Variants in TANC2 observed in about 807,000 individuals in gnomAD.
TANC2 encodes the protein tetratricopeptide repeat, ankyrin repeat and coiled-coil containing 2, also known as protein TANC2.
Under a neutral mutation model 210.5 loss-of-function variants are expected in TANC2, and 26 were observed. The observed-to-expected ratio is 0.12, with a 90% CI of 0.09 to 0.17. The LOEUF is 0.17. Ranked by LOEUF, TANC2 falls within the 10% of genes least tolerant of loss-of-function variation. The pLI, the probability that TANC2 is intolerant of heterozygous loss-of-function variation, is 1.00. For synonymous variants in TANC2, 931 were observed against 967.1 expected, an observed-to-expected ratio of 0.96 and a Z score of 0.69; for missense variants, 2,129 against 2,608.9, an observed-to-expected ratio of 0.82 and a Z score of 4.01.
rs192441963 is a variant in TANC2 at position 63,001,378 on chromosome 17, C to G, written c.-23-8159C>G. On this transcript the variant is annotated intron_variant, in intron 1 of 27. Transcript: ENST00000689528. ...CTCAATGAAACTTACTTTTATTATG[C>G]CCCTTCTTTACTAAGTCAGTAAATC... Among the ~76,000 whole-genome samples, 108 of 152,168 alleles carry G rather than the reference C, an allele frequency of 7.1e-4. 1 individual carries two copies. The highest frequency in any genetic ancestry group is 2.6e-3 in the African/African-American group (106 of 41,510).
chr17:63,177,704 C>T (rs1324922178), intron 5 of TANC2, among the ~76,000 whole-genome samples: 1 of 152,108 alleles, frequency 6.6e-6, no homozygotes, highest in Non-Finnish European at 1.5e-5. Flanking sequence ...TCAAGTTGAG[C>T]TCATCATCTG....
At chr17:63,403,834 C>T (rs993832932) in intron 19 of TANC2, among the ~76,000 whole-genome samples, 29 of 152,182 alleles carry the variant, frequency 1.9e-4, no homozygotes, top group Admixed American at 1.5e-3. Flanking sequence ...AAGGTTTATA[C>T]TTGCGGAAAT....
intron 17 of TANC2, among the ~76,000 whole-genome samples, chr17:63,395,459 C>T (rs17760841): frequency 0.16 from 25,050 of 152,050 alleles, 2,658 homozygotes; most frequent in Non-Finnish European, 0.24. Flanking sequence ...CTCAGGAAGA[C>T]GAAGCTCAAA....
chr17:63,113,976 A>T (rs559178127), intron 4 of TANC2, among the ~76,000 whole-genome samples: 1 of 152,338 alleles, frequency 6.6e-6, no homozygotes, highest in Admixed American at 6.5e-5. Context: ...AACGATTTTT[A>T]GAAAAAATTA....
At chr17:63,064,334 C>T (rs2036115979) in intron 2 of TANC2, among the ~76,000 whole-genome samples, 1 of 152,086 alleles carries the variant, frequency 6.6e-6, no homozygotes, top group African/African-American at 2.4e-5. Context: ...CTTGGTGTGC[C>T]TGTGGTCCCA....
chr17:63,020,188 A>T (rs181545793), intron 2 of TANC2, among the ~76,000 whole-genome samples: 67 of 152,364 alleles, frequency 4.4e-4, no homozygotes, highest in South Asian at 2.9e-3. Context: ...TTGGCCTCCC[A>T]AAGTGCTTGG....
intron 17 of TANC2, chr17:63,393,545 C>G (rs1324968168): frequency 6.6e-6 from 1 of 152,180 alleles, no homozygotes; most frequent in Non-Finnish European, 1.5e-5. Flanking sequence ...AGCTTAATCC[C>G]TACTCCAGAA....
chr17:63,281,626 G>T (rs1360145215), intron 9 of TANC2, among the ~76,000 whole-genome samples: 4 of 152,110 alleles, frequency 2.6e-5, no homozygotes, highest in Non-Finnish European at 5.9e-5. Flanking sequence ...AAATGTATCT[G>T]TTAAACCCAG....
chr17:63,380,000 A>T (rs998482161), intron 15 of TANC2, among the ~76,000 whole-genome samples, 174 bp downstream of exon 15: 4 of 152,174 alleles, frequency 2.6e-5, no homozygotes, highest in Admixed American at 2.6e-4. Flanking sequence ...ACTACATTGT[A>T]CATCTCCCAG....
Position 62,966,500 on chromosome 17 carries a change from C to CCGCCG in TANC2, c.-272_-268dup, listed in dbSNP as rs2031340316. 6.7e-6 allele frequency among the ~76,000 whole-genome samples: 1 copy of CCGCCG among 149,208 alleles called. No homozygotes were observed. Among genetic ancestry groups the CCGCCG allele is most frequent in the Admixed American group, 6.7e-5 (1 of 15,032 alleles). On this transcript the variant is annotated 5_prime_UTR_variant, in exon 1 of 28. Transcript: ENST00000689528. This position sits in a 1 kb window ranked among gnomAD's most constrained non-coding sequence, Gnocchi z 5.1. ...GCTAGGCGGAGCGAGGCGCCCGCCG[C>CCGCCG]CGCCGAGCCGAGCCGAGGGGCGAGA...
intron 9 of TANC2, among the ~76,000 whole-genome samples, chr17:63,288,119 G>A (rs1036033554): frequency 6.6e-6 from 1 of 152,134 alleles, no homozygotes; most frequent in Non-Finnish European, 1.5e-5. Context: ...ACATGCCAGT[G>A]AGTACTCCAT....
At chr17:63,339,600 T>G (rs1157429012) in intron 11 of TANC2, among the ~76,000 whole-genome samples, 1 of 152,238 alleles carries the variant, frequency 6.6e-6, no homozygotes, top group Non-Finnish European at 1.5e-5. Flanking sequence ...AAATCTGAAT[T>G]ACTTTATTTT....
At chr17:63,135,341 C>G (rs1040392107) in intron 4 of TANC2, among the ~76,000 whole-genome samples, 1 of 152,128 alleles carries the variant, frequency 6.6e-6, no homozygotes, top group Non-Finnish European at 1.5e-5. Flanking sequence ...TATGTAAAAT[C>G]TATTTTGAGA....
Position 63,412,689 on chromosome 17 carries a change from C to T in TANC2, c.3908C>T (p.Thr1303Met), listed in dbSNP as rs1303055266. ...TCTCCTTTCTTTGAAGGTTGTCAGA[C>T]GTTACCGAGTCGCCCACGAGGTATA... The change falls in exon 24 of 28, where the codon ACG (threonine) becomes ATG (methionine). Residue 1303 changes from threonine to methionine, a missense_variant. By Grantham distance (81) the Thr-to-Met change is moderately conservative. Transcript: ENST00000689528. This position sits in a 1 kb window ranked among gnomAD's most constrained non-coding sequence, Gnocchi z 4.2. The T allele has an allele frequency of 2.6e-6, 4 of 1,535,046 alleles. No homozygotes were observed. The highest frequency in any genetic ancestry group is 1.4e-5 in the African/African-American group (1 of 72,680).
At chr17:63,025,789 C>G (rs2034523313) in intron 2 of TANC2, among the ~76,000 whole-genome samples, 1 of 138,414 alleles carries the variant, frequency 7.2e-6, no homozygotes, top group Non-Finnish European at 1.5e-5. Context: ...GAGTGAGACC[C>G]TATCTCAAAA....
chr17:63,270,088 G>A (rs972660796), intron 9 of TANC2, among the ~76,000 whole-genome samples: 2 of 152,092 alleles, frequency 1.3e-5, no homozygotes, highest in Admixed American at 6.6e-5. Context: ...ATGCCATCCA[G>A]CTGGGTACAT....
chr17:63,148,491 C>G (rs1011875643), intron 4 of TANC2: 2 of 152,124 alleles, frequency 1.3e-5, no homozygotes, highest in African/African-American at 4.8e-5. Context: ...TCAGATCACT[C>G]TACTTAACCT....
chr17:62,982,844 A>G (rs937105815), intron 1 of TANC2, among the ~76,000 whole-genome samples: 2 of 152,186 alleles, frequency 1.3e-5, no homozygotes, highest in African/African-American at 4.8e-5. Context: ...TGTCGGTACC[A>G]TGCTGTTTTG....
intron 9 of TANC2, among the ~76,000 whole-genome samples, chr17:63,284,875 C>G (rs2044173597): frequency 6.6e-6 from 1 of 151,888 alleles, no homozygotes; most frequent in Non-Finnish European, 1.5e-5. Context: ...CTGTATTATT[C>G]CTTGTAGTTT....
Sources: gnomAD v4.1 joint callset for allele counts (sites outside exome capture counted in the v4.1 genomes callset) on GRCh38, gnomAD v4.1.1 for gene constraint, Gnocchi (gnomAD v3.1) non-coding constraint, MANE v1.5 for transcripts, NCBI Gene and HGNC (gene_info 2026-07-23, HGNC 2026-07-21) for gene names.